The following LTBP1 variants were observed in gnomAD, a reference collection of about 807,000 sequenced individuals.
The protein encoded by LTBP1 is latent-transforming growth factor beta-binding protein 1.
In LTBP1, 129 loss-of-function variants were observed where a neutral mutation model predicts 207.6. The observed-to-expected ratio is 0.62, with a 90% CI of 0.54 to 0.72. LTBP1 has a LOEUF of 0.72. LTBP1 is among the 30% of genes least tolerant of loss of function. The pLI is 0.00. For missense variants in LTBP1, 2,281 were observed against 2,217.2 expected (o/e 1.03, Z -0.58); for synonymous variants, 963 against 833.7 (o/e 1.16, Z -2.67).
At chr2:33,090,413 G>A (rs2079012294) in intron 3 of LTBP1, among the ~76,000 whole-genome samples, 1 of 152,146 alleles carries the variant, frequency 6.6e-6, no homozygotes, top group Non-Finnish European at 1.5e-5. Flanking sequence ...TCGCGCTTGT[G>A]ACATTGCTCT....
chr2:33,211,089 G>A (rs1253284147), intron 7 of LTBP1, among the ~76,000 whole-genome samples: 1 of 152,000 alleles, frequency 6.6e-6, no homozygotes, highest in East Asian at 1.9e-4. Flanking sequence ...AATAAAATGA[G>A]TTATATACAT....
chr2:33,121,706 A>G (rs2081134822), intron 4 of LTBP1, among the ~76,000 whole-genome samples: 1 of 152,136 alleles, frequency 6.6e-6, no homozygotes, highest in Non-Finnish European at 1.5e-5. Flanking sequence ...CCCCCAAACA[A>G]AATCTTTTGA....
intron 24 of LTBP1, among the ~76,000 whole-genome samples, chr2:33,329,063 A>G (rs6740443): frequency 0.52 from 79,020 of 151,888 alleles, 20,963 homozygotes; most frequent in African/African-American, 0.59. Flanking sequence ...CTGGGTCATA[A>G]AATGTATGTA....
intron 5 of LTBP1, among the ~76,000 whole-genome samples, chr2:33,165,310 G>T (rs1412438560): frequency 6.6e-6 from 1 of 152,188 alleles, no homozygotes; most frequent in Admixed American, 6.5e-5. Flanking sequence ...ATTGAAGAAT[G>T]GAGAGAAAGA....
chr2:33,254,218 A>T (rs898527392), intron 11 of LTBP1, among the ~76,000 whole-genome samples: 3 of 151,890 alleles, frequency 2.0e-5, no homozygotes, highest in African/African-American at 7.3e-5. Context: ...ATTTATAGAC[A>T]CGTTTCTCTT....
chr2:33,158,531 CTT>C (rs564827885), intron 5 of LTBP1, among the ~76,000 whole-genome samples: 9 of 152,114 alleles, frequency 5.9e-5, no homozygotes, highest in Non-Finnish European at 1.2e-4. Flanking sequence ...ATAGGGGTGA[CTT>C]ATAGTTCCCT....
chr2:33,387,845 A>G (rs375667003), intron 31 of LTBP1, among the ~76,000 whole-genome samples: 24 of 151,870 alleles, frequency 1.6e-4, no homozygotes, highest in African/African-American at 5.6e-4. Context: ...AAGTGTGGCC[A>G]TTGCCTTGCA....
intron 2 of LTBP1, among the ~76,000 whole-genome samples, chr2:32,976,254 A>G (rs1681758622): frequency 6.6e-6 from 1 of 152,146 alleles, no homozygotes. Flanking sequence ...GAAGGGGCCA[A>G]GGTGTTCCCG....
intron 4 of LTBP1, among the ~76,000 whole-genome samples, chr2:33,117,796 G>A (rs149585961): frequency 0.01 from 1,562 of 152,280 alleles, 17 homozygotes; most frequent in East Asian, 0.016. Flanking sequence ...GGCAGATATA[G>A]TAAGTGTAGA....
Position 33,217,665 on chromosome 2 carries a change from T to C in LTBP1, c.1804+11T>C. 1.3e-6 allele frequency: 2 copies of C among 1,587,384 alleles called. No homozygotes were observed. Among genetic ancestry groups the C allele is most frequent in the Non-Finnish European group, 8.6e-7 (1 of 1,156,370 alleles). On this transcript the variant is annotated intron_variant, in intron 8 of 33. Coordinates refer to ENST00000404816, the MANE Select transcript of LTBP1 (RefSeq NM_206943.4). ...GCCCCAAGAAACCATGTAAGTAATG[T>C]TTCCTCACTCCTTTGCAGGTTAATG...
At chr2:33,374,152 A>G (rs2095106914) in intron 31 of LTBP1, among the ~76,000 whole-genome samples, 1 of 152,184 alleles carries the variant, frequency 6.6e-6, no homozygotes. Context: ...ATAGTTGCAA[A>G]AGGCCTGTCA....
chr2:33,248,139 C>T (rs911267661), intron 10 of LTBP1, among the ~76,000 whole-genome samples: 1 of 152,246 alleles, frequency 6.6e-6, no homozygotes, highest in African/African-American at 2.4e-5. Context: ...GGAGGTGAGA[C>T]AGATCTGTAC....
At chr2:33,179,455 T>TA (rs199750491) in intron 5 of LTBP1, among the ~76,000 whole-genome samples, 4,679 of 149,138 alleles carry the variant, frequency 0.031, 96 homozygotes, top group Middle Eastern at 0.13. Flanking sequence ...CATATATTCT[T>TA]AAAAAAAAAA....
At chr2:33,040,088 A>G (rs2149396687) in intron 3 of LTBP1, among the ~76,000 whole-genome samples, 1 of 152,164 alleles carries the variant, frequency 6.6e-6, no homozygotes, top group African/African-American at 2.4e-5. Context: ...GCCCATAGAG[A>G]TTTCATTCCT....
intron 5 of LTBP1, among the ~76,000 whole-genome samples, chr2:33,161,857 T>C (rs1418375845): frequency 6.6e-6 from 1 of 152,238 alleles, no homozygotes; most frequent in Non-Finnish European, 1.5e-5. Flanking sequence ...ATCATTTGGT[T>C]AGTGAGTAAA....
At position 33,314,114 on chromosome 2, in the gene LTBP1, G is replaced by A. The variant is rs138453411; in HGVS notation, c.3605-1030G>A. Among the ~76,000 whole-genome samples, 328 of 152,312 alleles carry A rather than the reference G, an allele frequency of 2.2e-3. 1 individual carries two copies. Among genetic ancestry groups the A allele is most frequent in the African/African-American group, 4.3e-3 (180 of 41,564 alleles). On this transcript the variant is annotated intron_variant, in intron 23 of 33. Coordinates refer to ENST00000404816, the MANE Select transcript of LTBP1 (RefSeq NM_206943.4). The stretch of plus-strand genomic sequence containing the variant: ...GCTGAGCATAAAGTCGACAACACAA[G>A]TGTATGGCATGATCTGTTCATGAGT...
chr2:33,254,852 G>GTTTTTTTTTTTTTTTTT (rs70938393), intron 11 of LTBP1, among the ~76,000 whole-genome samples: 3 of 10,362 alleles, frequency 2.9e-4, no homozygotes, highest in Non-Finnish European at 4.4e-4. Context: ...GCGGTGTTTG[G>GTTTTTTTTTTTTTTTTT]TTTTTTTTTT....
intron 15 of LTBP1, among the ~76,000 whole-genome samples, chr2:33,265,943 T>A (rs913625992): frequency 6.6e-6 from 1 of 152,228 alleles, no homozygotes; most frequent in African/African-American, 2.4e-5. Flanking sequence ...GGTTCCTTTC[T>A]AATAGAAATG....
In LTBP1 at chr2:33,021,013, C is replaced by G; in HGVS notation, c.670C>G (p.Gln224Glu). 1.9e-6 allele frequency: 3 copies of G among 1,614,014 alleles called. No individual in the cohort carries two copies. Among genetic ancestry groups the G allele is most frequent in the South Asian group, 2.2e-5 (2 of 91,030 alleles). Residue 224 changes from glutamine to glutamate, a missense_variant, in exon 3 of 34, where the codon CAG becomes GAG. By Grantham distance (29) the Gln-to-Glu change is conservative (BLOSUM62 2). Around this residue, in one of 3 missense-constraint regions of LTBP1, gnomAD observed 555 missense variants for 491.0 expected, o/e 1.13. Transcript: ENST00000404816. ...KGKACETIAA[Q>E]DTSSPVFGGQ... The stretch of plus-strand genomic sequence containing the variant: ...CAAAGCCTGTGAAACAATAGCTGCC[C>G]AGGACACCTCGTCACCAGTCTTTGG...
Sources: allele counts gnomAD v4.1 joint callset (sites outside exome capture counted in the v4.1 genomes callset), GRCh38; gene constraint gnomAD v4.1.1; regional missense constraint gnomAD v4.1.1; transcripts MANE v1.5; gene names NCBI Gene and HGNC (gene_info 2026-07-23, HGNC 2026-07-21).